The following ADGRG4 variants were observed in gnomAD, a reference collection of about 807,000 sequenced individuals.
The protein encoded by ADGRG4 is G protein-coupled receptor 112.
A neutral mutation model predicts 126.2 loss-of-function variants in ADGRG4; 122 were observed. The observed-to-expected ratio is 0.97, with a 90% CI of 0.83 to 1.12. The LOEUF (loss-of-function observed/expected upper bound fraction) is 1.12, where lower values mean the gene tolerates loss of function less well. ADGRG4 is among the 50% of genes most tolerant of loss of function. The pLI is 0.00. For missense variants in ADGRG4, 2,481 were observed against 2,251.8 expected (o/e 1.10, Z -2.06); for synonymous variants, 943 against 838.7 (o/e 1.12, Z -2.15).
chrX:136,380,740 G>A (rs901892477), intron 15 of ADGRG4, among the ~76,000 whole-genome samples: 6 of 101,761 alleles, frequency 5.9e-5, no homozygotes, highest in Non-Finnish European at 1.2e-4. Flanking sequence ...TTAAGATGAG[G>A]TCTCTCTGTC....
rs764226554 is a variant in ADGRG4 at position 136,348,943 on chromosome X, T to C, written c.5237T>C (p.Val1746Ala). ...ALTDTYSRIT[V>A]PENMLSPTHA... is the part of the protein sequence containing the mutation. ...ACAGATACTTATTCCAGAATCACTG[T>C]TCCTGAAAATATGCTTTCACCTACT... The change falls in exon 6 of 26, where the codon GTT (valine) becomes GCT (alanine). Residue 1746 changes from valine to alanine, a missense_variant. By Grantham distance (64) the Val-to-Ala change is moderately conservative. Transcript: ENST00000394143. 1.7e-5 allele frequency: 21 copies of C among 1,206,101 alleles called. No homozygotes were observed. The highest frequency in any genetic ancestry group is 2.2e-5 in the Non-Finnish European group (20 of 892,719).
rs372756976 is a variant in ADGRG4, at chrX:136,348,402, C to T, written c.4696C>T (p.Pro1566Ser). ...GCCTATGTCTGAGATGTCCTCAATA[C>T]CAGTTAATAACTCTGCTTTCACACC... Reference protein sequence around the residue: ...SGPMSEMSSIPVNNSAFTPAT... With the variant: ...SGPMSEMSSISVNNSAFTPAT... Residue 1566 changes from proline (P) to serine (S), a missense_variant, in exon 6 of 26, where the codon CCA becomes TCA. By Grantham distance (74) the Pro-to-Ser change is moderately conservative. Transcript: ENST00000394143. The T allele has an allele frequency of 8.3e-7, 1 of 1,209,180 alleles. No homozygotes were observed. The highest frequency in any genetic ancestry group is 1.7e-5 in the African/African-American group (1 of 57,651).
At chrX:136,372,011 G>A (rs2075197618) in intron 14 of ADGRG4, among the ~76,000 whole-genome samples, 1 of 111,468 alleles carries the variant, frequency 9.0e-6, no homozygotes, top group Non-Finnish European at 1.9e-5. Flanking sequence ...TTAGTACAAT[G>A]CAATGGGGTC....
intron 13 of ADGRG4, among the ~76,000 whole-genome samples, chrX:136,366,833 C>T (rs1434543669): frequency 9.0e-6 from 1 of 111,252 alleles, no homozygotes; most frequent in African/African-American, 3.3e-5. Context: ...TTTATGTCTC[C>T]TTTGGTGAGG....
chrX:136,310,824 G>A (rs1486219418), intron 4 of ADGRG4, among the ~76,000 whole-genome samples: 1 of 111,877 alleles, frequency 8.9e-6, no homozygotes, highest in African/African-American at 3.2e-5. Context: ...GAATGGAGCA[G>A]GAGGTAAAAA....
At chrX:136,413,082 T>G (rs747592585) in intron 24 of ADGRG4, among the ~76,000 whole-genome samples, 32 of 110,430 alleles carry the variant, frequency 2.9e-4, no homozygotes, top group Middle Eastern at 4.6e-3. Context: ...GTATTTTATT[T>G]TATTTATTTA....
rs1283101189 is a variant in ADGRG4, at chrX:136,359,469, G to A, written c.7144+14G>A. ...TGAAAAAACTAGGTAATTTTTTTGG[G>A]GGGTGGATATTGCAGTATGAACTTA... On this transcript the variant is annotated intron_variant, in intron 11 of 25. Coordinates refer to ENST00000394143, the MANE Select transcript of ADGRG4 (RefSeq NM_153834.4). 2.6e-6 allele frequency: 3 copies of A among 1,164,871 alleles called. No homozygotes were observed. The highest frequency in any genetic ancestry group is 1.8e-5 in the African/African-American group (1 of 56,450).
intron 15 of ADGRG4, among the ~76,000 whole-genome samples, chrX:136,379,965 C>T (rs1422175835): frequency 1.8e-5 from 2 of 111,637 alleles, no homozygotes; most frequent in Non-Finnish European, 3.8e-5. Context: ...TTTTTTAGGG[C>T]TGAATAATGT....
At chrX:136,399,810 A>G (rs79086694) in intron 20 of ADGRG4, 38 bp from the exon 21 acceptor site, 1 of 1,132,818 alleles carries the variant, frequency 8.8e-7, no homozygotes, top group East Asian at 3.0e-5. Context: ...AAAAAAAAAA[A>G]CAGACTTTAC....
At chrX:136,375,505 G>A (rs1024661428) in intron 15 of ADGRG4, among the ~76,000 whole-genome samples, 3 of 112,216 alleles carry the variant, frequency 2.7e-5, no homozygotes, top group African/African-American at 9.7e-5. Flanking sequence ...CCCACCAGCT[G>A]TATAAAAGTG....
chrX:136,304,401 C>T (rs1350462954), intron 2 of ADGRG4, among the ~76,000 whole-genome samples, 194 bp downstream of exon 2: 1 of 112,291 alleles, frequency 8.9e-6, no homozygotes, highest in Non-Finnish European at 1.9e-5. Context: ...ACTGAGGTTT[C>T]CTCCCACCCA....
At chrX:136,320,033 T>G (rs1259964525) in intron 4 of ADGRG4, among the ~76,000 whole-genome samples, 1 of 112,009 alleles carries the variant, frequency 8.9e-6, no homozygotes, top group South Asian at 3.7e-4. Flanking sequence ...CTTTTAGTTT[T>G]TAATAGGATA....
intron 4 of ADGRG4, among the ~76,000 whole-genome samples, chrX:136,315,820 A>G (rs1388322208): frequency 8.9e-6 from 1 of 112,159 alleles, no homozygotes; most frequent in Non-Finnish European, 1.9e-5. Context: ...ACACACATGC[A>G]CACAGGGAGA....
chrX:136,359,523 T>A, intron 11 of ADGRG4, 68 bp downstream of exon 11: 1 of 835,146 alleles, frequency 1.2e-6, no homozygotes, highest in Non-Finnish European at 1.7e-6. Context: ...TCATAATGCA[T>A]ACTTGGTTAA....
At chrX:136,379,820 T>A in intron 15 of ADGRG4, among the ~76,000 whole-genome samples, 1 of 110,777 alleles carries the variant, frequency 9.0e-6, no homozygotes, top group Non-Finnish European at 1.9e-5. Flanking sequence ...ATTCTTCCGA[T>A]CCCTGTGATT....
Position 136,400,076 on chromosome X carries a change from C to T in ADGRG4, c.8535C>T (p.Tyr2845=). The change falls in exon 21 of 26, where the codon TAC becomes TAT. Residue 2845 remains tyrosine (Y), a synonymous_variant. Coordinates refer to ENST00000394143, the MANE Select transcript of ADGRG4 (RefSeq NM_153834.4). The part of the protein sequence containing the change: ...YLALVKVFNI[Y]IPNYILKFCL... The stretch of plus-strand genomic sequence containing the variant: ...CTCTAGTCAAAGTCTTCAACATATA[C>T]ATTCCAAATTATATCCTTAAATTTT... 1 of 1,203,112 alleles carries T rather than the reference C, an allele frequency of 8.3e-7. No homozygotes were observed. Among genetic ancestry groups the T allele is most frequent in the Non-Finnish European group, 1.1e-6 (1 of 887,841 alleles).
chrX:136,398,836 T>C (rs1483864088), intron 20 of ADGRG4, among the ~76,000 whole-genome samples: 1 of 112,241 alleles, frequency 8.9e-6, no homozygotes, highest in Non-Finnish European at 1.9e-5. Flanking sequence ...ATAATATTTA[T>C]AGCAGCTTCA....
At chrX:136,373,554 AT>A (rs1394659636) in intron 15 of ADGRG4, among the ~76,000 whole-genome samples, 1 of 111,725 alleles carries the variant, frequency 9.0e-6, no homozygotes, top group Non-Finnish European at 1.9e-5. Context: ...CAGAGGTTAG[AT>A]TTTTTTTACA....
intron 11 of ADGRG4, among the ~76,000 whole-genome samples, chrX:136,360,504 A>G (rs1005980261): frequency 1.6e-4 from 18 of 111,285 alleles, no homozygotes; most frequent in Admixed American, 1.1e-3. Flanking sequence ...GAACTTTGGG[A>G]GGGTGAGGCA....
Sources: allele counts gnomAD v4.1 joint callset (sites outside exome capture counted in the v4.1 genomes callset), GRCh38; gene constraint gnomAD v4.1.1; transcripts MANE v1.5; gene names NCBI Gene and HGNC (gene_info 2026-07-23, HGNC 2026-07-21).